The following ACYP2 variants were observed in gnomAD, a reference collection of about 807,000 sequenced individuals.
ACYP2 encodes acylphosphatase-2.
Under a neutral mutation model 11.2 loss-of-function variants are expected in ACYP2, and 12 were observed. That is an observed-to-expected ratio of 1.08 (90% CI 0.69 to 1.74). The LOEUF (loss-of-function observed/expected upper bound fraction) is 1.74. Ranked by LOEUF, ACYP2 falls within the 40% of genes most tolerant of loss-of-function variation. The probability of loss-of-function intolerance (pLI) is 0.00; values close to 1 mark genes in which losing one functional copy is unlikely to be tolerated. For synonymous variants in ACYP2, 43 were observed against 32.2 expected (o/e 1.33, Z -1.13); for missense variants, 134 against 101.9 (o/e 1.31, Z -1.35).
chr2:54,004,909 A>ACC (rs1553352352), intron 2 of ACYP2, among the ~76,000 whole-genome samples: 1 of 140,370 alleles, frequency 7.1e-6, no homozygotes, highest in Non-Finnish European at 1.5e-5. Context: ...AAAAAAAAAA[A>ACC]AAAAAACAAA....
At chr2:54,174,131 T>C (rs529952987) in intron 6 of ACYP2, among the ~76,000 whole-genome samples, 3 of 152,324 alleles carry the variant, frequency 2.0e-5, no homozygotes, top group East Asian at 3.9e-4. Flanking sequence ...GCAGTATGGC[T>C]ATTTTCACAA....
intron 1 of ACYP2, among the ~76,000 whole-genome samples, chr2:53,972,804 G>C (rs543794048): frequency 6.6e-6 from 1 of 152,206 alleles, no homozygotes; most frequent in East Asian, 1.9e-4. Context: ...ACAAGACGAC[G>C]CTGGGTAGAT....
At chr2:54,124,786 G>A (rs890576235) in intron 4 of ACYP2, among the ~76,000 whole-genome samples, 2 of 152,054 alleles carry the variant, frequency 1.3e-5, no homozygotes, top group South Asian at 2.1e-4. Context: ...CTGCAATCTC[G>A]ACCTCACAGG....
intron 4 of ACYP2, among the ~76,000 whole-genome samples, chr2:54,072,783 G>A (rs1677133870): frequency 1.3e-5 from 2 of 151,960 alleles, no homozygotes; most frequent in Admixed American, 1.3e-4. Context: ...GGCTGGTCTT[G>A]AACTCCTGAC....
At chr2:54,115,891 C>T (rs559286244) in intron 4 of ACYP2, 135 bp downstream of exon 1, 16 of 1,169,632 alleles carry the variant, frequency 1.4e-5, no homozygotes, top group African/African-American at 4.5e-5. Context: ...GACACAGCAG[C>T]GGCGGCGGGG....
chr2:54,017,355 A>G (rs553202986), intron 2 of ACYP2, among the ~76,000 whole-genome samples: 1 of 146,244 alleles, frequency 6.8e-6, no homozygotes, highest in Non-Finnish European at 1.5e-5. Flanking sequence ...ACCCGGGTTC[A>G]GTGATTCTCC....
At chr2:54,194,708 C>G (rs1469817838) in intron 6 of ACYP2, among the ~76,000 whole-genome samples, 1 of 152,000 alleles carries the variant, frequency 6.6e-6, no homozygotes, top group African/African-American at 2.4e-5. Flanking sequence ...CTTTCTGTTG[C>G]TTTGTCATGT....
chr2:54,071,668 G>T (rs1268833042), intron 4 of ACYP2, among the ~76,000 whole-genome samples: 1 of 152,092 alleles, frequency 6.6e-6, no homozygotes, highest in East Asian at 1.9e-4. Context: ...ATGTTGCCCA[G>T]GTTGGTCTAA....
At chr2:53,992,040 T>A (rs1340381170) in intron 2 of ACYP2, among the ~76,000 whole-genome samples, 1 of 151,546 alleles carries the variant, frequency 6.6e-6, no homozygotes, top group Non-Finnish European at 1.5e-5. Flanking sequence ...CCTTCCTTCC[T>A]CCCTCCTTCC....
intron 6 of ACYP2, among the ~76,000 whole-genome samples, chr2:54,299,151 C>T (rs1184264759): frequency 1.3e-5 from 2 of 152,198 alleles, no homozygotes; most frequent in Non-Finnish European, 2.9e-5. Flanking sequence ...CCTTAACCTT[C>T]TTCCCAGATT....
chr2:54,064,929 C>T (rs1676662713), intron 4 of ACYP2, among the ~76,000 whole-genome samples: 1 of 151,918 alleles, frequency 6.6e-6, no homozygotes, highest in African/African-American at 2.4e-5. Flanking sequence ...ACTAAAAATA[C>T]AAAAATTAGC....
chr2:54,255,872 G>A (rs759425728), intron 6 of ACYP2: 11 of 1,613,992 alleles, frequency 6.8e-6, no homozygotes, highest in Non-Finnish European at 9.3e-6. Flanking sequence ...CCCTCCGCGG[G>A]TGGTGGAGTC....
intron 6 of ACYP2, among the ~76,000 whole-genome samples, chr2:54,177,372 TGTTA>T (rs1683506307): frequency 6.6e-6 from 1 of 151,982 alleles, no homozygotes; most frequent in South Asian, 2.1e-4. Context: ...GAGCTACAGG[TGTTA>T]GTGTTTTGCT....
intron 6 of ACYP2, among the ~76,000 whole-genome samples, chr2:54,190,761 T>G (rs753473885): frequency 1.3e-5 from 2 of 152,128 alleles, no homozygotes; most frequent in Non-Finnish European, 2.9e-5. Flanking sequence ...TATCTAGACC[T>G]GAACTCCAGA....
chr2:54,205,138 T>G (rs1303739022), intron 6 of ACYP2, among the ~76,000 whole-genome samples: 1 of 152,254 alleles, frequency 6.6e-6, no homozygotes, highest in Non-Finnish European at 1.5e-5. Flanking sequence ...CCCTTAAATG[T>G]CTACAAAGTT....
At chr2:54,209,278 CTTA>C (rs1234226643) in intron 6 of ACYP2, among the ~76,000 whole-genome samples, 2 of 151,948 alleles carry the variant, frequency 1.3e-5, no homozygotes, top group African/African-American at 2.4e-5. Flanking sequence ...GGTTGTTGTA[CTTA>C]TTATTTTATA....
chr2:54,280,801 A>G (rs746091852), intron 6 of ACYP2, among the ~76,000 whole-genome samples: 1 of 152,194 alleles, frequency 6.6e-6, no homozygotes, highest in African/African-American at 2.4e-5. Context: ...GACATTGAGT[A>G]TATTTTACTC....
At chr2:54,014,114 C>T (rs1485860113) in intron 2 of ACYP2, among the ~76,000 whole-genome samples, 2 of 151,364 alleles carry the variant, frequency 1.3e-5, no homozygotes, top group African/African-American at 4.9e-5. Flanking sequence ...GCTGAGATCG[C>T]ACTGTTGCAC....
intron 6 of ACYP2, among the ~76,000 whole-genome samples, chr2:54,139,406 T>G (rs553639414): frequency 6.6e-6 from 1 of 152,240 alleles, no homozygotes; most frequent in South Asian, 2.1e-4. Flanking sequence ...CTATGAATCC[T>G]TGAAGTCCAA....
Sources: gnomAD v4.1 joint callset for allele counts (sites outside exome capture counted in the v4.1 genomes callset) on GRCh38, gnomAD v4.1.1 for gene constraint, MANE v1.5 for transcripts, NCBI Gene and HGNC (gene_info 2026-07-23, HGNC 2026-07-21) for gene names.